HERC1: variants seen among roughly 807,000 people sequenced by gnomAD.
The protein encoded by HERC1 is HECT and RLD domain containing E3 ubiquitin protein ligase family member 1.
Under a neutral mutation model 554.3 loss-of-function variants are expected in HERC1, and 160 were observed. The observed-to-expected ratio is 0.29, with a 90% CI of 0.25 to 0.33. The LOEUF is 0.33. HERC1 is among the 10% of genes least tolerant of loss of function. The pLI, the probability that HERC1 is intolerant of heterozygous loss-of-function variation, is 1.00. For missense variants in HERC1, 4,919 were observed against 5,918.5 expected, an observed-to-expected ratio of 0.83 and a Z score of 5.54; for synonymous variants, 2,175 against 2,131.7, an observed-to-expected ratio of 1.02 and a Z score of -0.56.
intron 1 of HERC1, among the ~76,000 whole-genome samples, chr15:63,813,198 A>G (rs1454114621): frequency 6.6e-6 from 1 of 152,196 alleles, no homozygotes; most frequent in East Asian, 1.9e-4. Context: ...AAGATTTGCT[A>G]AAGAATCTAC....
chr15:63,670,427 T>C (rs1466400007), intron 39 of HERC1, among the ~76,000 whole-genome samples: 1 of 152,186 alleles, frequency 6.6e-6, no homozygotes, highest in Non-Finnish European at 1.5e-5. Context: ...TTTCTAAGTA[T>C]CAAAAATGTA....
intron 26 of HERC1, among the ~76,000 whole-genome samples, chr15:63,698,419 C>CAAAAA (rs57040637): frequency 1.2e-5 from 1 of 80,702 alleles, no homozygotes. Flanking sequence ...ACTCCGTCTC[C>CAAAAA]AAAAAAAAAA....
chr15:63,696,951 AT>A (rs1177299301), intron 26 of HERC1, among the ~76,000 whole-genome samples: 2 of 149,508 alleles, frequency 1.3e-5, no homozygotes. Flanking sequence ...AAAAAAAAAA[AT>A]TATTTTGAAA....
rs1596161814 is a variant in HERC1 at position 63,754,721 on chromosome 15, T to A, written c.1631-73A>T. 8 of 1,358,742 alleles carry A rather than the reference T, an allele frequency of 5.9e-6. No homozygotes were observed. The East Asian group carries it at 1.9e-4, about 32-fold the overall frequency. 84.2% of individuals were successfully genotyped at this position (1,358,742 alleles called of 1,614,324 possible). ...TCTCTAGGCCTTGACTTCACAAGTA[T>A]AATAAATGTTACAACTTTAAAATAG... is the stretch of plus-strand genomic sequence containing the variant. On this transcript the variant is annotated intron_variant, in intron 6 of 77. Transcript: ENST00000443617.
chr15:63,717,089 A>AT (rs2073589143), intron 21 of HERC1, among the ~76,000 whole-genome samples: 1 of 152,210 alleles, frequency 6.6e-6, no homozygotes, highest in African/African-American at 2.4e-5. Flanking sequence ...AGTATAAAGC[A>AT]CAAATGAAAA....
At chr15:63,643,889 C>T (rs1308451445) in intron 57 of HERC1, among the ~76,000 whole-genome samples, 2 of 152,182 alleles carry the variant, frequency 1.3e-5, no homozygotes, top group Non-Finnish European at 2.9e-5. Context: ...ATTTTCACTT[C>T]ATGTAATTTT....
At chr15:63,752,882 A>T in intron 8 of HERC1, 76 bp downstream of exon 8, 1 of 1,312,940 alleles carries the variant, frequency 7.6e-7, no homozygotes. Flanking sequence ...TTTAAAATTT[A>T]AATACAAGTA....
intron 12 of HERC1, among the ~76,000 whole-genome samples, chr15:63,745,587 G>C (rs1024305624): frequency 6.6e-6 from 1 of 152,242 alleles, no homozygotes; most frequent in South Asian, 2.1e-4. Flanking sequence ...CCCTCCCCAA[G>C]CACCCAGAGA....
chr15:63,615,688 G>A (rs2067785359), intron 76 of HERC1, 80 bp downstream of exon 76: 4 of 1,113,102 alleles, frequency 3.6e-6, no homozygotes, highest in African/African-American at 1.6e-5. Flanking sequence ...CATATTAGCA[G>A]ATTTTGGCAT....
In HERC1 at chr15:63,656,469, C is replaced by T. The variant is rs983032032; in HGVS notation, c.9600-111G>A. 5 of 969,544 alleles carry T rather than the reference C, an allele frequency of 5.2e-6. No individual in the cohort carries two copies. In the African/African-American group the frequency reaches 6.5e-5, roughly 13 times the overall value. 60.1% of individuals were successfully genotyped at this position (969,544 alleles called of 1,614,324 possible). A position where few individuals can be genotyped will look rare whatever the true frequency, so the allele number is the denominator to read the frequency against. On this transcript the variant is annotated intron_variant, in intron 48 of 77. Coordinates refer to ENST00000443617, the MANE Select transcript of HERC1 (RefSeq NM_003922.4). ...ATCAACAACCATAATAAAATGTAAG[C>T]TGCACTATCATTAGCCATACATGTC...
chr15:63,762,417 G>A (rs562864496), intron 3 of HERC1, among the ~76,000 whole-genome samples: 460 of 152,160 alleles, frequency 3.0e-3, no homozygotes, highest in African/African-American at 0.011. Context: ...TCCACCTCCC[G>A]GGTTCAAGCA....
At chr15:63,715,451 C>T (rs573050687) in intron 22 of HERC1, among the ~76,000 whole-genome samples, 1 of 152,312 alleles carries the variant, frequency 6.6e-6, no homozygotes, top group East Asian at 1.9e-4. Flanking sequence ...TTTCCTTCCC[C>T]ATCTCCAACT....
chr15:63,628,825 A>C lies in HERC1; in HGVS notation c.12967-10T>G, dbSNP rs1216524651. 33 of 1,610,778 alleles carry C rather than the reference A, an allele frequency of 2.0e-5. No homozygotes were observed. Among genetic ancestry groups the C allele is most frequent in the Non-Finnish European group, 2.8e-5 (33 of 1,178,616 alleles). ...TATGGCCTAAGCCGAGCTGGGAATA[A>C]ATCACAAATATACAGACATTCAATT... On this transcript the variant is annotated splice_polypyrimidine_tract_variant and intron_variant, in intron 69 of 77. Coordinates refer to ENST00000443617, the MANE Select transcript of HERC1 (RefSeq NM_003922.4).
chr15:63,826,804 AAAAAAAAAAAATAT>A (rs1467889559), intron 1 of HERC1, among the ~76,000 whole-genome samples: 7 of 57,888 alleles, frequency 1.2e-4, no homozygotes, highest in African/African-American at 4.2e-4. Flanking sequence ...AAAAAAAAAA[AAAAAAAAAAAATAT>A]ATATATATAT....
At chr15:63,623,692 G>A in intron 73 of HERC1, 33 bp downstream of exon 73, 1 of 1,603,672 alleles carries the variant, frequency 6.2e-7, no homozygotes, top group Non-Finnish European at 8.5e-7. Flanking sequence ...TAGCAGACTA[G>A]ATAACTCAGC....
In HERC1 at chr15:63,725,252, A is replaced by T. The variant is rs139924560; in HGVS notation, c.3568+40T>A. ...TAGAGAAATCTCCAACTGAGGTACAAACAGGCATGTATTTTAAATGCTGCA... is the reference window on the plus strand; with the variant it reads ...TAGAGAAATCTCCAACTGAGGTACATACAGGCATGTATTTTAAATGCTGCA... On this transcript the variant is annotated intron_variant, in intron 18 of 77. Transcript: ENST00000443617. 1.2e-4 allele frequency: 189 copies of T among 1,546,912 alleles called. 1 individual carries two copies. In the African/African-American group the frequency reaches 2.1e-3, roughly 17 times the overall value.
rs568287494 is a variant in HERC1 at position 63,675,071 on chromosome 15, C to T, written c.7117G>A (p.Glu2373Lys). 5 of 1,612,980 alleles carry T rather than the reference C, an allele frequency of 3.1e-6. No individual in the cohort carries two copies. In the South Asian group the frequency reaches 4.4e-5, roughly 14 times the overall value. The change falls in exon 38 of 78, where the codon GAA (glutamate) becomes AAA (lysine). Residue 2373 changes from glutamate to lysine, a missense_variant. Physicochemically the swap from Glu to Lys is moderately conservative, Grantham distance 56 (BLOSUM62 1). This residue lies in a region of HERC1 where 1,963 missense variants were observed against 2,228.6 expected (regional missense o/e 0.88). Coordinates refer to ENST00000443617, the MANE Select transcript of HERC1 (RefSeq NM_003922.4). ...TCAAACGGCAATGGTTCACAGGGTT[C>T]CAGATTATACAATGGAGTATCACTA... ...SPSDTPLYNLEPCEPLPFDVA... is the reference protein window; with the variant it reads ...SPSDTPLYNLKPCEPLPFDVA...
chr15:63,738,384 A>G (rs1881144971), intron 12 of HERC1, among the ~76,000 whole-genome samples: 1 of 152,214 alleles, frequency 6.6e-6, no homozygotes, highest in African/African-American at 2.4e-5. Context: ...AAAACTGACA[A>G]AATTTCTAAT....
At position 63,674,590 on chromosome 15, in the gene HERC1, A is replaced by T; in HGVS notation, c.7598T>A (p.Leu2533Gln). ...LGCSKYAELLLIPKVLAENGH... is the reference protein window; with the variant it reads ...LGCSKYAELLQIPKVLAENGH... Reference sequence around the variant, plus strand: ...ATTTTCAGCCAGAACTTTTGGTATCAGCAACAGCTCAGCATATTTACTACA... The same window carrying T: ...ATTTTCAGCCAGAACTTTTGGTATCTGCAACAGCTCAGCATATTTACTACA... The change falls in exon 38 of 78, where the codon CTG becomes CAG. Residue 2533 changes from leucine (L) to glutamine (Q), a missense_variant. Physicochemically the swap from Leu to Gln is moderately radical, Grantham distance 113. This residue lies in a region of HERC1 where 1,963 missense variants were observed against 2,228.6 expected (regional missense o/e 0.88). Transcript: ENST00000443617. 6.2e-7 allele frequency: 1 copy of T among 1,612,726 alleles called. No homozygotes were observed. Among genetic ancestry groups the T allele is most frequent in the Non-Finnish European group, 8.5e-7 (1 of 1,179,260 alleles).
Sources: gnomAD v4.1 joint callset for allele counts (sites outside exome capture counted in the v4.1 genomes callset) on GRCh38, gnomAD v4.1.1 for gene constraint, gnomAD v4.1.1 regional missense constraint, MANE v1.5 for transcripts, NCBI Gene and HGNC (gene_info 2026-07-23, HGNC 2026-07-21) for gene names.